Variants in C1orf105 observed in about 807,000 individuals in gnomAD.
C1orf105 encodes the protein chromosome 1 open reading frame 105, also known as uncharacterized protein C1orf105.
In C1orf105, 17 loss-of-function variants were observed where a neutral mutation model predicts 20.8. That is an observed-to-expected ratio of 0.82 (90% CI 0.56 to 1.23). The LOEUF is 1.23. Among genes scored for constraint, C1orf105 ranks in the 50% most tolerant of loss-of-function variants. C1orf105 has a pLI of 0.00. For synonymous variants in C1orf105, 72 were observed against 72.1 expected, an observed-to-expected ratio of 1.00 and a Z score of 0.01; for missense variants, 219 against 213.5, an observed-to-expected ratio of 1.03 and a Z score of -0.16.
chr1:172,420,871 C>G lies in C1orf105; in HGVS notation c.-15C>G, dbSNP rs773048146. On this transcript the variant is annotated 5_prime_UTR_variant, in exon 1 of 7. The change creates a new upstream start codon in the 5' untranslated region. Transcript: ENST00000367727. Reference sequence around the variant, plus strand: ...CTCCAGCTAGAAAAACTCAGAACATCTAAAGATCTGAAAGATGGAAAAAAG... The same window carrying G: ...CTCCAGCTAGAAAAACTCAGAACATGTAAAGATCTGAAAGATGGAAAAAAG... 1 of 1,611,610 alleles carries G rather than the reference C, an allele frequency of 6.2e-7. No homozygotes were observed. Among genetic ancestry groups the G allele is most frequent in the South Asian group, 1.1e-5 (1 of 90,942 alleles).
chr1:172,424,660 G>T (rs571341268), intron 1 of C1orf105, among the ~76,000 whole-genome samples: 1 of 152,240 alleles, frequency 6.6e-6, no homozygotes, highest in East Asian at 1.9e-4. Context: ...CAAAGTGTTG[G>T]GTTTACAGGT....
Position 172,465,310 on chromosome 1 carries a change from A to G in C1orf105, c.353A>G (p.His118Arg), listed in dbSNP as rs141501722. The G allele has an allele frequency of 6.2e-7, 1 of 1,612,882 alleles. No homozygotes were observed. The highest frequency in any genetic ancestry group is 2.2e-5 in the East Asian group (1 of 44,864). Residue 118 changes from histidine to arginine, a missense_variant, in exon 6 of 7, where the codon CAT (histidine) becomes CGT (arginine). By Grantham distance (29) the His-to-Arg change is conservative. Transcript: ENST00000367727. ...ENCMSYRMSL[H>R]QPKFQTTPEP... ...TTTCTTCCAATCAGAATGAGTCTTC[A>G]TCAACCCAAATTCCAGACTACACCT...
At chr1:172,453,245 G>A (rs887848340) in intron 3 of C1orf105, 3 of 1,527,222 alleles carry the variant, frequency 2.0e-6, no homozygotes, top group Non-Finnish European at 2.7e-6. Context: ...AAAGTGTAAA[G>A]GGACAGGATT....
At chr1:172,454,068 T>G (rs1200167738) in intron 3 of C1orf105, among the ~76,000 whole-genome samples, 1 of 152,198 alleles carries the variant, frequency 6.6e-6, no homozygotes, top group African/African-American at 2.4e-5. Context: ...GCTCTGAGAT[T>G]CCACTTCCTA....
chr1:172,442,035 G>C (rs1458035769), intron 1 of C1orf105: 3 of 1,614,098 alleles, frequency 1.9e-6, no homozygotes, highest in African/African-American at 2.7e-5. Flanking sequence ...AGGCATGCAG[G>C]GACCGGGGAA....
At chr1:172,430,133 C>A (rs2071829957) in intron 1 of C1orf105, among the ~76,000 whole-genome samples, 1 of 152,196 alleles carries the variant, frequency 6.6e-6, no homozygotes, top group South Asian at 2.1e-4. Flanking sequence ...CCCTTTCCCA[C>A]ACACACCACA....
Position 172,468,679 on chromosome 1 carries a change from C to G in C1orf105, c.*85C>G. 1 of 1,404,448 alleles carries G rather than the reference C, an allele frequency of 7.1e-7. No homozygotes were observed. Among genetic ancestry groups the G allele is most frequent in the Non-Finnish European group, 9.7e-7 (1 of 1,032,094 alleles). 87.0% of individuals were successfully genotyped at this position (1,404,448 alleles called of 1,614,324 possible). On this transcript the variant is annotated 3_prime_UTR_variant, in exon 7 of 7. Transcript: ENST00000367727. ...CTTTGACACTGGCACCTTCTCCTCA[C>G]AATTTTCTCTCTTCTCCCAAAAGAT...
intron 1 of C1orf105, among the ~76,000 whole-genome samples, chr1:172,435,486 A>G (rs1262354567): frequency 6.6e-6 from 1 of 152,000 alleles, no homozygotes; most frequent in Non-Finnish European, 1.5e-5. Context: ...CAGAACCAAC[A>G]AAAAAAACCA....
In C1orf105 at chr1:172,439,044, C is replaced by T. The variant is rs531587780; in HGVS notation, c.22-6029C>T. ...AATGTAAGCATAAATTTTATACACA[C>T]TGGAAAACCAAAAAATTCATGTGAT... On this transcript the variant is annotated intron_variant, in intron 1 of 6. Coordinates refer to ENST00000367727, the MANE Select transcript of C1orf105 (RefSeq NM_139240.4). Among the ~76,000 whole-genome samples, 4 of 152,310 alleles carry T rather than the reference C, an allele frequency of 2.6e-5. No homozygotes were observed. In the East Asian group the frequency reaches 5.8e-4, roughly 22 times the overall value.
chr1:172,443,974 C>T (rs901940833), intron 1 of C1orf105: 2 of 1,000,056 alleles, frequency 2.0e-6, no homozygotes, highest in African/African-American at 3.5e-5. Flanking sequence ...GACCGTTACA[C>T]GGAACCCACC....
chr1:172,421,916 C>T (rs2901654), intron 1 of C1orf105, among the ~76,000 whole-genome samples: 8,895 of 152,146 alleles, frequency 0.058, 281 homozygotes, highest in African/African-American at 0.082. Context: ...TTAGCTGTTG[C>T]CAATGGAGGG....
intron 1 of C1orf105, among the ~76,000 whole-genome samples, chr1:172,428,580 C>A (rs1237559947): frequency 6.6e-6 from 1 of 152,176 alleles, no homozygotes; most frequent in East Asian, 1.9e-4. Flanking sequence ...ATGCTCTTCC[C>A]CAGGGAATCT....
intron 1 of C1orf105, chr1:172,430,241 A>G (rs577887315): frequency 1.2e-4 from 80 of 678,524 alleles, no homozygotes; most frequent in Non-Finnish European, 1.8e-4. Flanking sequence ...TTAAGTGATG[A>G]GTAACTTCCC....
In C1orf105 at chr1:172,442,139, T is replaced by A. The variant is rs1413366993; in HGVS notation, c.22-2934T>A. 3 of 1,614,156 alleles carry A rather than the reference T, an allele frequency of 1.9e-6. No individual in the cohort carries two copies. Among genetic ancestry groups the A allele is most frequent in the Middle Eastern group, 3.3e-4 (2 of 6,062 alleles). On this transcript the variant is annotated intron_variant, in intron 1 of 6. Transcript: ENST00000367727. Reference sequence around the variant, plus strand: ...GCATTGGCACCATAGTCAAAAAAGATGAGATGGCCTAACAGCATGAAGACT... The same window carrying A: ...GCATTGGCACCATAGTCAAAAAAGAAGAGATGGCCTAACAGCATGAAGACT...
intron 1 of C1orf105, chr1:172,444,137 C>T (rs1305373245): frequency 4.1e-5 from 41 of 989,526 alleles, no homozygotes; most frequent in Non-Finnish European, 4.8e-5. Context: ...GGAACCATCG[C>T]GACGTGACTG....
intron 1 of C1orf105, among the ~76,000 whole-genome samples, chr1:172,421,437 A>G (rs762590677): frequency 1.3e-5 from 2 of 152,204 alleles, no homozygotes; most frequent in Non-Finnish European, 2.9e-5. Context: ...AGCTGTCTCT[A>G]TTACCATAGT....
At position 172,455,709 on chromosome 1, in the gene C1orf105, G is replaced by C. The variant is rs959409499; in HGVS notation, c.199-706G>C. On this transcript the variant is annotated intron_variant, in intron 3 of 6. Coordinates refer to ENST00000367727, the MANE Select transcript of C1orf105 (RefSeq NM_139240.4). ...AGTGGTTACAGTGAGCAGACACGGT[G>C]CCCCTCCCCTTCCTCCACTGATTGC... Among the ~76,000 whole-genome samples, 37 of 152,258 alleles carry C rather than the reference G, an allele frequency of 2.4e-4. 1 individual carries two copies.
At chr1:172,427,017 A>G (rs1019143165) in intron 1 of C1orf105, among the ~76,000 whole-genome samples, 3 of 152,172 alleles carry the variant, frequency 2.0e-5, no homozygotes, top group Non-Finnish European at 2.9e-5. Context: ...CTTTAAATTA[A>G]TCACCACCAT....
intron 1 of C1orf105, chr1:172,442,649 T>G: frequency 6.3e-7 from 1 of 1,584,616 alleles, no homozygotes; most frequent in Non-Finnish European, 8.6e-7. Context: ...CTCAGGCCAG[T>G]TTAATCATCG....
Sources: gnomAD v4.1 joint callset for allele counts (sites outside exome capture counted in the v4.1 genomes callset) on GRCh38, gnomAD v4.1.1 for gene constraint, MANE v1.5 for transcripts, NCBI Gene and HGNC (gene_info 2026-07-23, HGNC 2026-07-21) for gene names.